The following TGM4 variants were observed in gnomAD, a reference collection of about 807,000 sequenced individuals.
TGM4 encodes protein-glutamine gamma-glutamyltransferase 4.
A neutral mutation model predicts 76.3 loss-of-function variants in TGM4; 61 were observed. The observed-to-expected ratio is 0.80, with a 90% confidence interval of 0.65 to 0.99. TGM4 has a LOEUF of 0.99. TGM4 is among the 50% of genes least tolerant of loss of function. The probability of loss-of-function intolerance (pLI) is 0.00; values close to 1 mark genes in which losing one functional copy is unlikely to be tolerated. For synonymous variants in TGM4, 337 were observed against 329.8 expected, an observed-to-expected ratio of 1.02 and a Z score of -0.24; for missense variants, 794 against 843.2, an observed-to-expected ratio of 0.94 and a Z score of 0.72.
At chr3:44,895,977 C>T in intron 5 of TGM4, among the ~76,000 whole-genome samples, 1 of 152,134 alleles carries the variant, frequency 6.6e-6, no homozygotes, top group East Asian at 1.9e-4. Flanking sequence ...TTCATAACCT[C>T]CTCCCTCAGT....
chr3:44,881,359 G>A (rs959962933), intron 1 of TGM4, among the ~76,000 whole-genome samples: 2 of 152,176 alleles, frequency 1.3e-5, no homozygotes, highest in Admixed American at 6.5e-5. Flanking sequence ...GAAGGAAATT[G>A]TATTAGTTTA....
rs757982196 is a variant in TGM4, at chr3:44,913,662, CAA to C, written c.1993_1994del (p.Lys665ValfsTer10). The C allele has an allele frequency of 2.5e-6, 4 of 1,614,206 alleles. No individual in the cohort carries two copies. In the South Asian group the frequency reaches 3.3e-5, roughly 13 times the overall value. ...IKTGPKKFIVKLSSKQVKEIN... is the reference protein window; with the variant it reads ...IKTGPKKFIVXLSSKQVKEIN... ...AAACTGGACCCAAGAAATTTATCGT[CAA>C]GTTAAGTTCCAAACAAGTGAAAGAG... On this transcript the variant is annotated frameshift_variant, in exon 14 of 14. Coordinates refer to ENST00000296125, the MANE Select transcript of TGM4 (RefSeq NM_003241.4). LOFTEE classifies it high-confidence loss of function.
Position 44,874,611 on chromosome 3 carries a change from G to A in TGM4, c.-68G>A, listed in dbSNP as rs1699424721. On this transcript the variant is annotated 5_prime_UTR_variant, in exon 1 of 14. Coordinates refer to ENST00000296125, the MANE Select transcript of TGM4 (RefSeq NM_003241.4). ...AGGGCTGTTTCCTCCCCTGAGGACC[G>A]ACTGTGTGGAAGCACCAGGCATCAG... The A allele has an allele frequency of 3.1e-6, 5 of 1,604,212 alleles. No homozygotes were observed. The highest frequency in any genetic ancestry group is 2.2e-5 in the East Asian group (1 of 44,780).
chr3:44,907,211 C>T lies in TGM4; in HGVS notation c.1327+11C>T. 1.2e-6 allele frequency: 2 copies of T among 1,611,466 alleles called. No individual in the cohort carries two copies. Among genetic ancestry groups the T allele is most frequent in the Admixed American group, 1.7e-5 (1 of 59,830 alleles). ...ACAAGTATCCAGAAGGTGCTAGCAT[C>T]ACAGGGCTCCTTCTGACTCAGCCCC... On this transcript the variant is annotated intron_variant, in intron 10 of 13. Coordinates refer to ENST00000296125, the MANE Select transcript of TGM4 (RefSeq NM_003241.4).
intron 6 of TGM4, among the ~76,000 whole-genome samples, chr3:44,900,083 G>C (rs1271031349): frequency 6.6e-6 from 1 of 152,198 alleles, no homozygotes; most frequent in Non-Finnish European, 1.5e-5. Context: ...CAGGGGGATA[G>C]AGCCTCGTGC....
At chr3:44,911,770 G>A (rs1329642005) in intron 13 of TGM4, among the ~76,000 whole-genome samples, 2 of 152,172 alleles carry the variant, frequency 1.3e-5, no homozygotes, top group Non-Finnish European at 2.9e-5. Flanking sequence ...TCTTTACACA[G>A]TAGAGTGTTA....
intron 6 of TGM4, among the ~76,000 whole-genome samples, chr3:44,897,128 C>T (rs528223193): frequency 2.7e-4 from 41 of 151,850 alleles, no homozygotes; most frequent in African/African-American, 8.4e-4. Context: ...CCTCAGCCTC[C>T]GGAGTAGCTG....
chr3:44,895,237 G>C (rs962006967), intron 5 of TGM4, among the ~76,000 whole-genome samples: 1 of 152,218 alleles, frequency 6.6e-6, no homozygotes, highest in Non-Finnish European at 1.5e-5. Flanking sequence ...GGAGGTTGCA[G>C]TGAGCCGAGA....
chr3:44,910,011 T>C (rs1481263596), intron 10 of TGM4, 79 bp from the exon 11 acceptor site: 1 of 1,515,350 alleles, frequency 6.6e-7, no homozygotes, highest in African/African-American at 1.4e-5. Flanking sequence ...GCAGATGGTC[T>C]CCTTCTGCCA....
At chr3:44,878,915 A>G (rs1699488920) in intron 1 of TGM4, among the ~76,000 whole-genome samples, 1 of 152,042 alleles carries the variant, frequency 6.6e-6, no homozygotes, top group African/African-American at 2.4e-5. Context: ...TTTCAGAACA[A>G]CTATAGTATA....
chr3:44,891,681 TTAAG>T (rs1699699412), intron 4 of TGM4, among the ~76,000 whole-genome samples: 1 of 152,164 alleles, frequency 6.6e-6, no homozygotes, highest in African/African-American at 2.4e-5. Context: ...CTTCAGTAAA[TTAAG>T]TGTTAGCAGC....
chr3:44,908,695 G>A (rs1413885336), intron 10 of TGM4, among the ~76,000 whole-genome samples: 1 of 151,758 alleles, frequency 6.6e-6, no homozygotes, highest in African/African-American at 2.4e-5. Context: ...AATCTCTCTC[G>A]ATATTCTCTA....
At chr3:44,876,988 A>G (rs1440079889) in intron 1 of TGM4, among the ~76,000 whole-genome samples, 3 of 152,224 alleles carry the variant, frequency 2.0e-5, no homozygotes, top group African/African-American at 7.2e-5. Context: ...CCTTACTTGT[A>G]ACGAGGGTGG....
At chr3:44,902,150 T>A (rs1181648916) in intron 8 of TGM4, among the ~76,000 whole-genome samples, 1 of 152,130 alleles carries the variant, frequency 6.6e-6, no homozygotes, top group East Asian at 1.9e-4. Context: ...CTCCAGGCCC[T>A]CCCAACCCAG....
chr3:44,881,008 AG>A (rs1699524218), intron 1 of TGM4, among the ~76,000 whole-genome samples: 1 of 152,102 alleles, frequency 6.6e-6, no homozygotes, highest in Admixed American at 6.5e-5. Flanking sequence ...GCTTGAATTC[AG>A]GAGTTTGAGA....
chr3:44,876,661 T>C (rs1305114351), intron 1 of TGM4, among the ~76,000 whole-genome samples: 3 of 151,810 alleles, frequency 2.0e-5, no homozygotes, highest in African/African-American at 7.3e-5. Flanking sequence ...GAAGGCAATA[T>C]GAAAAATAAT....
Position 44,903,912 on chromosome 3 carries a change from A to G in TGM4, c.1000A>G (p.Met334Val). 1 of 1,614,122 alleles carries G rather than the reference A, an allele frequency of 6.2e-7. No homozygotes were observed. Among genetic ancestry groups the G allele is most frequent in the Non-Finnish European group, 8.5e-7 (1 of 1,180,032 alleles). Residue 334 changes from methionine to valine, a missense_variant, in exon 9 of 14, where the codon ATG (methionine) becomes GTG (valine). Coordinates refer to ENST00000296125, the MANE Select transcript of TGM4 (RefSeq NM_003241.4). ...WNFHVWTDAW[M>V]KRPDLPKGYD... ...TTTCCATGTGTGGACGGATGCCTGG[A>G]TGAAGCGACCGGATCTGCCCAAGGG...
chr3:44,900,974 C>T (rs2125756600), intron 6 of TGM4: 1 of 155,648 alleles, frequency 6.4e-6, no homozygotes, highest in Non-Finnish European at 1.4e-5. Context: ...CATAGTGATT[C>T]ACACCTGTAA....
intron 4 of TGM4, among the ~76,000 whole-genome samples, chr3:44,892,097 A>G (rs917364249): frequency 6.6e-6 from 1 of 151,800 alleles, no homozygotes; most frequent in Non-Finnish European, 1.5e-5. Flanking sequence ...TTTCTACTAA[A>G]AATACAAAAA....
Sources: gnomAD v4.1 joint callset for allele counts (sites outside exome capture counted in the v4.1 genomes callset) on GRCh38, gnomAD v4.1.1 for gene constraint, MANE v1.5 for transcripts, NCBI Gene and HGNC (gene_info 2026-07-23, HGNC 2026-07-21) for gene names.